STAB1: variants seen among roughly 807,000 people sequenced by gnomAD.
STAB1 encodes the protein stabilin-1.
STAB1 carries 250 observed loss-of-function variants against 332.4 expected under a neutral mutation model. The ratio of observed to expected loss-of-function variants is 0.75; its 90% CI spans 0.68 to 0.84. The LOEUF is 0.84. STAB1 is among the 40% of genes least tolerant of loss of function. The probability of loss-of-function intolerance (pLI) is 0.00; values close to 1 mark genes in which losing one functional copy is unlikely to be tolerated. For missense variants in STAB1, 3,249 were observed against 3,489.7 expected (o/e 0.93, Z 1.74); for synonymous variants, 1,475 against 1,390.4 (o/e 1.06, Z -1.35).
rs2079101834 is a variant in STAB1 at position 52,522,346 on chromosome 3, A to G, written c.6482A>G (p.Glu2161Gly). 6.2e-7 allele frequency: 1 copy of G among 1,613,012 alleles called. No homozygotes were observed. Among genetic ancestry groups the G allele is most frequent in the East Asian group, 2.2e-5 (1 of 44,878 alleles). Residue 2161 changes from glutamate (E) to glycine (G), a missense_variant, in exon 60 of 69, where the codon GAG (glutamate) becomes GGG (glycine). Glu to Gly is a moderately conservative substitution (Grantham distance 98). Coordinates refer to ENST00000321725, the MANE Select transcript of STAB1 (RefSeq NM_015136.3). ...CAACCCCAGAACACACGGCGCTGTG[A>G]GTGCCACGCAGGCTACGTAGGCGAT... Reference protein sequence around the residue: ...LSTGLNTRRCECHAGYVGDGL... With the variant: ...LSTGLNTRRCGCHAGYVGDGL...
chr3:52,521,443 C>G lies in STAB1; in HGVS notation c.5991C>G (p.Cys1997Trp), dbSNP rs777603229. ...DGMSGSGQCLCRSGFAGTACE... is the reference protein window; with the variant it reads ...DGMSGSGQCLWRSGFAGTACE... ...TGAGTGGCAGTGGGCAGTGTCTGTG[C>G]CGTTCAGGTTTTGCTGGGACAGCCT... Residue 1997 changes from cysteine (C) to tryptophan (W), a missense_variant, in exon 56 of 69, where the codon TGC becomes TGG. Physicochemically the swap from Cys to Trp is radical, Grantham distance 215. Transcript: ENST00000321725. 6.2e-7 allele frequency: 1 copy of G among 1,613,906 alleles called. No individual in the cohort carries two copies. Among genetic ancestry groups the G allele is most frequent in the Non-Finnish European group, 8.5e-7 (1 of 1,180,022 alleles).
In STAB1 at chr3:52,508,300, G is replaced by A. The variant is rs368291987; in HGVS notation, c.2176G>A (p.Gly726Arg). ...ACAAGGCTGCTGCAAAGGTTTTTTC[G>A]GGCCTGACTGCACGCAGTGTCCTGG... is the stretch of plus-strand genomic sequence containing the variant. Reference protein sequence around the residue: ...MEQGCCKGFFGPDCTQCPGGF... With the variant: ...MEQGCCKGFFRPDCTQCPGGF... The change falls in exon 21 of 69, where the codon GGG (glycine) becomes AGG (arginine). Residue 726 changes from glycine to arginine, a missense_variant. Transcript: ENST00000321725. 5.0e-6 allele frequency: 8 copies of A among 1,612,464 alleles called. No homozygotes were observed. In the African/African-American group the frequency reaches 5.3e-5, roughly 11 times the overall value.
Position 52,501,653 on chromosome 3 carries a change from G to A in STAB1, c.231G>A (p.Leu77=), listed in dbSNP as rs750377788. ...CTGCCCCCAGCTACGAAGTACAGCT[G>A]GGGGGCTCTATGGTGTCCATGAGCG... ...ITQDCRYEVQ[L]GGSMVSMSGC... The change falls in exon 3 of 69, where the codon CTG becomes CTA. Residue 77 remains leucine, a synonymous_variant. Coordinates refer to ENST00000321725, the MANE Select transcript of STAB1 (RefSeq NM_015136.3). The A allele has an allele frequency of 1.3e-6, 2 of 1,567,318 alleles. No homozygotes were observed.
At chr3:52,518,196 G>C (rs1339062280) in intron 45 of STAB1, 116 bp from the exon 46 acceptor site, 1 of 1,546,218 alleles carries the variant, frequency 6.5e-7, no homozygotes, top group Non-Finnish European at 8.8e-7. Flanking sequence ...CTCAGACCCC[G>C]CGGCTTTCCT....
In STAB1 at chr3:52,523,245, C is replaced by T; in HGVS notation, c.7044C>T (p.Ala2348=). The change falls in exon 64 of 69, where the codon GCC becomes GCT. Residue 2348 remains alanine (A), a synonymous_variant. Transcript: ENST00000321725. ...AGATGCTATTGGGCTATGCCAATGCCACCCAGCGGGGTCTCGACTTCCTGG... is the reference window on the plus strand; with the variant it reads ...AGATGCTATTGGGCTATGCCAATGCTACCCAGCGGGGTCTCGACTTCCTGG... ...FYGMLLGYAN[A]TQRGLDFLDF... 3.7e-6 allele frequency: 6 copies of T among 1,613,290 alleles called. No homozygotes were observed. Among genetic ancestry groups the T allele is most frequent in the Non-Finnish European group, 2.5e-6 (3 of 1,180,006 alleles).
Position 52,512,310 on chromosome 3 carries a change from G to A in STAB1, c.2884-31G>A, listed in dbSNP as rs1369324781. 3.1e-6 allele frequency: 5 copies of A among 1,607,096 alleles called. No individual in the cohort carries two copies. The South Asian group carries it at 3.3e-5, about 11-fold the overall frequency. On this transcript the variant is annotated intron_variant, in intron 26 of 68. Coordinates refer to ENST00000321725, the MANE Select transcript of STAB1 (RefSeq NM_015136.3). ...AGGGGCCCAGCTGCCATCTGGTTCT[G>A]AATGGAGGCCCTTTCTCACTCCCAC...
At chr3:52,509,755 T>G (rs1332556499) in intron 22 of STAB1, 115 bp from the exon 23 acceptor site, 2 of 1,145,046 alleles carry the variant, frequency 1.7e-6, no homozygotes, top group African/African-American at 3.1e-5. Context: ...TTTTCCACCC[T>G]GAAGTCAAAT....
chr3:52,506,746 G>T lies in STAB1; in HGVS notation c.1885G>T (p.Ala629Ser), dbSNP rs1252529742. 4 of 1,612,494 alleles carry T rather than the reference G, an allele frequency of 2.5e-6. No individual in the cohort carries two copies. The highest frequency in any genetic ancestry group is 1.1e-5 in the South Asian group (1 of 91,072). The change falls in exon 18 of 69, where the codon GCC becomes TCC. Residue 629 changes from alanine to serine, a missense_variant. Coordinates refer to ENST00000321725, the MANE Select transcript of STAB1 (RefSeq NM_015136.3). ...CCCGCTGCAGAGGGTAGACGTGATG[G>T]CCGCCAATGGTGTGATCCACATGCT... ...GVPLQRVDVM[A>S]ANGVIHMLDG...
chr3:52,501,887 C>CG (rs991778254), intron 3 of STAB1, 119 bp from the exon 4 acceptor site: 14 of 1,424,182 alleles, frequency 9.8e-6, no homozygotes, highest in Non-Finnish European at 1.4e-5. Context: ...CTCCAAGGCT[C>CG]GGCCCCCTTG....
intron 45 of STAB1, 150 bp from the exon 46 acceptor site, chr3:52,518,162 C>T (rs1014654627): frequency 7.4e-6 from 11 of 1,487,158 alleles, no homozygotes; most frequent in African/African-American, 1.4e-5. Context: ...CAGCTATGAC[C>T]CATGAAACTA....
chr3:52,505,111 C>G lies in STAB1; in HGVS notation c.1486C>G (p.Gln496Glu). The G allele has an allele frequency of 6.2e-7, 1 of 1,613,460 alleles. No individual in the cohort carries two copies. Among genetic ancestry groups the G allele is most frequent in the African/African-American group, 1.3e-5 (1 of 75,048 alleles). ...CCACGTGGTCACTGGCCTGCGGTGG[C>G]AGGCCCCCTCTGGGACCCCTGGGGA... Reference protein sequence around the residue: ...VFHVVTGLRWQAPSGTPGDPK... With the variant: ...VFHVVTGLRWEAPSGTPGDPK... The change falls in exon 13 of 69, where the codon CAG (glutamine) becomes GAG (glutamate). Residue 496 changes from glutamine (Q) to glutamate (E), a missense_variant. By Grantham distance (29) the Gln-to-Glu change is conservative. Transcript: ENST00000321725.
At position 52,518,790 on chromosome 3, in the gene STAB1, G is replaced by A. The variant is rs756023815; in HGVS notation, c.4955G>A (p.Arg1652Gln). The change falls in exon 48 of 69, where the codon CGG becomes CAG. Residue 1652 changes from arginine (R) to glutamine (Q), a missense_variant. Arg to Gln is a conservative substitution (Grantham distance 43, BLOSUM62 1). Transcript: ENST00000321725. ...VFRYHVVGCRRLRSEDLLEQG... is the reference protein window; with the variant it reads ...VFRYHVVGCRQLRSEDLLEQG... ...CGCTACCACGTGGTTGGCTGTCGGCGGCTGCGGAGCGAGGACCTGCTGGAG... is the reference window on the plus strand; with the variant it reads ...CGCTACCACGTGGTTGGCTGTCGGCAGCTGCGGAGCGAGGACCTGCTGGAG... The A allele has an allele frequency of 9.9e-5, 160 of 1,612,154 alleles. No individual in the cohort carries two copies. The South Asian group carries it at 1.3e-3, about 13-fold the overall frequency.
intron 7 of STAB1, 59 bp from the exon 8 acceptor site, chr3:52,503,285 T>A (rs1373883900): frequency 1.3e-6 from 2 of 1,551,244 alleles, no homozygotes; most frequent in Non-Finnish European, 1.7e-6. Flanking sequence ...GTGAAAGCTG[T>A]GGCGGAGACA....
Position 52,503,847 on chromosome 3 carries a change from C to T in STAB1, c.967C>T (p.Pro323Ser), listed in dbSNP as rs1708636626. ...TGCGGGCTGCTTCGCCTTCTGCTCC[C>T]CCTTCTCCTGCGACCGGTCTGCCAC... The part of the protein sequence containing the change: ...ASAGCFAFCS[P>S]FSCDRSATCQ... The change falls in exon 9 of 69, where the codon CCC becomes TCC. Residue 323 changes from proline (P) to serine (S), a missense_variant. Transcript: ENST00000321725. 1 of 1,613,258 alleles carries T rather than the reference C, an allele frequency of 6.2e-7. No homozygotes were observed.
chr3:52,517,514 G>T (rs1249466931), intron 43 of STAB1, 36 bp from the exon 44 acceptor site: 9 of 1,607,870 alleles, frequency 5.6e-6, no homozygotes, highest in Non-Finnish European at 6.8e-6. Flanking sequence ...CCAGCTGTTG[G>T]CTCCCAGCAG....
chr3:52,510,304 C>A, intron 24 of STAB1, 45 bp from the exon 25 acceptor site: 1 of 1,613,818 alleles, frequency 6.2e-7, no homozygotes. Flanking sequence ...TGGCCCTCTG[C>A]CTACGTTCTT....
Position 52,524,128 on chromosome 3 carries a change from C to T in STAB1, c.7571C>T (p.Ser2524Leu), listed in dbSNP as rs1261881030. The T allele has an allele frequency of 2.5e-6, 4 of 1,613,866 alleles. No individual in the cohort carries two copies. The highest frequency in any genetic ancestry group is 3.3e-5 in the Admixed American group (2 of 60,028). The change falls in exon 68 of 69, where the codon TCA becomes TTA. Residue 2524 changes from serine to leucine, a missense_variant. Transcript: ENST00000321725. ...GAAGATGATGCTGATGACGACTTCT[C>T]ACCGTGGCAAGAAGGGACCAACCCC... ...QAEDDADDDF[S>L]PWQEGTNPTL...
At chr3:52,513,654 C>T in intron 30 of STAB1, 63 bp from the exon 31 acceptor site, 1 of 1,529,672 alleles carries the variant, frequency 6.5e-7, no homozygotes, top group Non-Finnish European at 8.9e-7. Context: ...TCTGTTGGGG[C>T]TGCCCCACCT....
At chr3:52,501,816 T>C in intron 3 of STAB1, 63 bp downstream of exon 3, 1 of 1,480,200 alleles carries the variant, frequency 6.8e-7, no homozygotes, top group South Asian at 1.2e-5. Context: ...GGGCAAGCCC[T>C]CTGCAGGAGC....
Sources: allele counts gnomAD v4.1 joint callset, GRCh38; gene constraint gnomAD v4.1.1; transcripts MANE v1.5; gene names NCBI Gene and HGNC (gene_info 2026-07-23, HGNC 2026-07-21).